Variants in KCNJ10 observed in about 807,000 individuals in gnomAD.
KCNJ10 encodes the protein potassium inwardly rectifying channel subfamily J member 10.
A neutral mutation model predicts 22.2 loss-of-function variants in KCNJ10; 9 were observed. The ratio of observed to expected loss-of-function variants is 0.40; its 90% confidence interval spans 0.24 to 0.71. KCNJ10 has a LOEUF of 0.71. Among genes scored for constraint, KCNJ10 ranks in the 30% least tolerant of loss-of-function variants. The pLI is 0.35. For missense variants in KCNJ10, 337 were observed against 482.7 expected (o/e 0.70, Z 2.83); for synonymous variants, 184 against 187.3 (o/e 0.98, Z 0.15).
chr1:160,058,599 A>G (rs545539666), intron 1 of KCNJ10, among the ~76,000 whole-genome samples: 1 of 152,268 alleles, frequency 6.6e-6, no homozygotes, highest in South Asian at 2.1e-4. Flanking sequence ...ACCAAGGACA[A>G]GAGAAATTAG....
intron 1 of KCNJ10, among the ~76,000 whole-genome samples, chr1:160,058,802 A>T (rs1004850038): frequency 4.0e-5 from 6 of 151,656 alleles, no homozygotes; most frequent in African/African-American, 1.5e-4. Flanking sequence ...GCCACACAAA[A>T]CCTCTCGGTT....
chr1:160,044,912 CT>C (rs1449743104), intron 1 of KCNJ10: 1 of 152,216 alleles, frequency 6.6e-6, no homozygotes, highest in East Asian at 1.9e-4. Flanking sequence ...TACTTGGAGG[CT>C]GAGGCAGGAG....
rs747349113 is a variant in KCNJ10, at chr1:160,041,369, G to A, written c.*24C>T. On this transcript the variant is annotated 3_prime_UTR_variant, in exon 2 of 2. Transcript: ENST00000644903. This position sits in a 1 kb window ranked among gnomAD's most constrained non-coding sequence, Gnocchi z 4.4. ...TGGAAGAGAGGAAAAGAGACCAGAG[G>A]AATGGGGGAGTGGGAACAGGTCATC... The A allele has an allele frequency of 3.7e-6, 6 of 1,606,796 alleles. No individual in the cohort carries two copies. The Admixed American group carries it at 8.4e-5, about 22-fold the overall frequency.
chr1:160,056,544 C>CCCTTCCCCAGTGCTCTCTCCACTGTGGAG (rs1649039618), intron 1 of KCNJ10, among the ~76,000 whole-genome samples: 1 of 152,182 alleles, frequency 6.6e-6, no homozygotes, highest in Non-Finnish European at 1.5e-5. Context: ...TCCTTCAAGG[C>CCCTTCCCCAGTGCTCTCTCCACTGTGGAG]CCTTCCCCAG....
chr1:160,041,713 C>G lies in KCNJ10; in HGVS notation c.820G>C (p.Glu274Gln), dbSNP rs1017781800. 2 of 1,614,064 alleles carry G rather than the reference C, an allele frequency of 1.2e-6. No individual in the cohort carries two copies. Among genetic ancestry groups the G allele is most frequent in the African/African-American group, 2.7e-5 (2 of 74,906 alleles). The change falls in exon 2 of 2, where the codon GAG (glutamate) becomes CAG (glutamine). Residue 274 changes from glutamate (E) to glutamine (Q), a missense_variant. By Grantham distance (29) the Glu-to-Gln change is conservative. This residue lies in a region of KCNJ10 where 165 missense variants were observed against 281.5 expected (regional missense o/e 0.59). Transcript: ENST00000644903. The surrounding 1 kb of genome is among the most constrained non-coding windows in gnomAD (Gnocchi z 4.4). ...ATCAGCACCAGCTCAAAGTCACCCT[C>G]ACCACTGCGAAGAGGGAGATCTTTC... ...PLKDLPLRSG[E>Q]GDFELVLILS...
intron 1 of KCNJ10, among the ~76,000 whole-genome samples, chr1:160,045,307 C>A (rs541090772): frequency 6.6e-6 from 1 of 152,266 alleles, no homozygotes; most frequent in East Asian, 1.9e-4. Flanking sequence ...GAACTTCATT[C>A]AAAACTATAG....
chr1:160,064,721 T>C (rs888953271), intron 1 of KCNJ10: 1 of 152,362 alleles, frequency 6.6e-6, no homozygotes, highest in East Asian at 1.9e-4. Flanking sequence ...GTTGCCTATA[T>C]CTTTTTTATC....
intron 1 of KCNJ10, among the ~76,000 whole-genome samples, chr1:160,047,716 T>C (rs551176246): frequency 1.3e-5 from 2 of 152,330 alleles, no homozygotes; most frequent in Admixed American, 1.3e-4. Flanking sequence ...TGCTTGCTCT[T>C]GTACATATTC....
At chr1:160,059,978 G>A (rs554534645) in intron 1 of KCNJ10, among the ~76,000 whole-genome samples, 1 of 152,276 alleles carries the variant, frequency 6.6e-6, no homozygotes, top group East Asian at 1.9e-4. Flanking sequence ...GAGGTACTCT[G>A]TACCTGTCAT....
intron 1 of KCNJ10, among the ~76,000 whole-genome samples, chr1:160,065,846 A>T (rs2101936764): frequency 6.6e-6 from 1 of 152,246 alleles, no homozygotes; most frequent in African/African-American, 2.4e-5. Context: ...TGATAATTTC[A>T]TTATAGGGTA....
At chr1:160,067,439 C>A (rs1453597865) in intron 1 of KCNJ10, among the ~76,000 whole-genome samples, 1 of 152,196 alleles carries the variant, frequency 6.6e-6, no homozygotes, top group African/African-American at 2.4e-5. Flanking sequence ...AGCCAACCAC[C>A]CACCATTGGG....
rs986014209 is a variant in KCNJ10, at chr1:160,041,224, G to A, written c.*169C>T. 16 of 674,974 alleles carry A rather than the reference G, an allele frequency of 2.4e-5. No homozygotes were observed. Among genetic ancestry groups the A allele is most frequent in the African/African-American group, 1.4e-4 (8 of 55,920 alleles). 41.8% of individuals were successfully genotyped at this position (674,974 alleles called of 1,614,324 possible). On this transcript the variant is annotated 3_prime_UTR_variant, in exon 2 of 2. Transcript: ENST00000644903. This position sits in a 1 kb window ranked among gnomAD's most constrained non-coding sequence, Gnocchi z 4.4. The stretch of plus-strand genomic sequence containing the variant: ...AAGTGGAAAGGGGACAGTGGGAGGC[G>A]AACCTGGACTCCAGTTGGCCTAAGC...
At chr1:160,047,873 T>A (rs1162901193) in intron 1 of KCNJ10, among the ~76,000 whole-genome samples, 1 of 152,216 alleles carries the variant, frequency 6.6e-6, no homozygotes, top group Non-Finnish European at 1.5e-5. Context: ...CCTAAGTAGC[T>A]GGCACTATAG....
intron 1 of KCNJ10, among the ~76,000 whole-genome samples, chr1:160,049,218 C>T (rs1034266647): frequency 3.3e-5 from 5 of 152,082 alleles, no homozygotes; most frequent in African/African-American, 1.2e-4. Flanking sequence ...ATTTTAATGT[C>T]TCCCCATTAT....
intron 1 of KCNJ10, 114 bp downstream of exon 1, chr1:160,069,908 C>T (rs1649411375): frequency 6.6e-6 from 1 of 152,540 alleles, no homozygotes; most frequent in African/African-American, 2.4e-5. Context: ...GGTGGTACCG[C>T]TGAGGCCAGG....
chr1:160,069,354 TCTCA>T (rs1649398186), intron 1 of KCNJ10, among the ~76,000 whole-genome samples: 1 of 152,136 alleles, frequency 6.6e-6, no homozygotes, highest in African/African-American at 2.4e-5. Context: ...AATCTGCCCT[TCTCA>T]CTCTAGCAGA....
intron 1 of KCNJ10, among the ~76,000 whole-genome samples, chr1:160,069,225 A>G (rs1038541169): frequency 2.0e-5 from 3 of 152,080 alleles, no homozygotes; most frequent in African/African-American, 7.2e-5. Flanking sequence ...TCCTCCCCCA[A>G]ATCAGGAAGT....
At chr1:160,059,162 C>T (rs1050346804) in intron 1 of KCNJ10, among the ~76,000 whole-genome samples, 1 of 152,208 alleles carries the variant, frequency 6.6e-6, no homozygotes, top group South Asian at 2.1e-4. Context: ...GAGGACTGCT[C>T]GTAAGGGGTG....
intron 1 of KCNJ10, among the ~76,000 whole-genome samples, chr1:160,054,261 G>A (rs1006827728): frequency 5.1e-4 from 78 of 152,262 alleles, no homozygotes; most frequent in African/African-American, 1.8e-3. Context: ...GGCCAGCAAG[G>A]CTCAACAGGA....
Sources: allele counts gnomAD v4.1 joint callset (sites outside exome capture counted in the v4.1 genomes callset), GRCh38; gene constraint gnomAD v4.1.1; regional missense constraint gnomAD v4.1.1; non-coding constraint Gnocchi (gnomAD v3.1); transcripts MANE v1.5; gene names NCBI Gene and HGNC (gene_info 2026-07-23, HGNC 2026-07-21).